The following COBL variants were observed in gnomAD, a reference collection of about 807,000 sequenced individuals.
COBL encodes the protein protein cordon-bleu.
Under a neutral mutation model 98.8 loss-of-function variants are expected in COBL, and 51 were observed. The ratio of observed to expected loss-of-function variants is 0.52; its 90% CI spans 0.41 to 0.65. The LOEUF (loss-of-function observed/expected upper bound fraction) is 0.65. Among genes scored for constraint, COBL ranks in the 30% least tolerant of loss-of-function variants. The pLI is 0.00. For synonymous variants in COBL, 634 were observed against 651.7 expected, an observed-to-expected ratio of 0.97 and a Z score of 0.41; for missense variants, 1,617 against 1,617.5, an observed-to-expected ratio of 1.00 and a Z score of 0.01.
intron 1 of COBL, among the ~76,000 whole-genome samples, chr7:51,282,628 T>C (rs188578391): frequency 2.4e-3 from 372 of 152,092 alleles, no homozygotes; most frequent in Middle Eastern, 6.8e-3. Flanking sequence ...CTCTTACAAA[T>C]CAATACAACT....
chr7:51,259,362 T>C (rs1416966281), intron 1 of COBL: 1 of 305,864 alleles, frequency 3.3e-6, no homozygotes, highest in Admixed American at 4.4e-5. Flanking sequence ...AAAGCACTTT[T>C]AAGTGGCAAG....
chr7:51,302,217 A>G (rs946443252), intron 1 of COBL, among the ~76,000 whole-genome samples: 2 of 152,224 alleles, frequency 1.3e-5, no homozygotes, highest in African/African-American at 4.8e-5. Flanking sequence ...ATCATTTCCT[A>G]GCAGTTAAGT....
intron 5 of COBL, among the ~76,000 whole-genome samples, chr7:51,163,740 C>T (rs1445074836): frequency 6.6e-6 from 1 of 152,166 alleles, no homozygotes; most frequent in Non-Finnish European, 1.5e-5. Context: ...ATCTACCAAT[C>T]CCCTCCTGAT....
intron 1 of COBL, among the ~76,000 whole-genome samples, chr7:51,237,894 G>T (rs1270679618): frequency 6.6e-6 from 1 of 152,194 alleles, no homozygotes; most frequent in Non-Finnish European, 1.5e-5. Flanking sequence ...AAGGCTGGGA[G>T]CTGTCTGCTT....
rs574111861 is a variant in COBL at position 51,292,968 on chromosome 7, T to C, written c.41+23625A>G. Among the ~76,000 whole-genome samples, 39 of 152,342 alleles carry C rather than the reference T, an allele frequency of 2.6e-4. 1 individual carries two copies. Among genetic ancestry groups the C allele is most frequent in the Admixed American group, 2.2e-3 (33 of 15,308 alleles). On this transcript the variant is annotated intron_variant, in intron 1 of 12. Transcript: ENST00000265136. ...ACAATGACAGAATTGAAGGAATAAG[T>C]TACTAAACACATGTGATGCGCCAAA...
chr7:51,061,004 T>A (rs1343268956), intron 7 of COBL, among the ~76,000 whole-genome samples: 1 of 152,160 alleles, frequency 6.6e-6, no homozygotes, highest in Non-Finnish European at 1.5e-5. Flanking sequence ...AAAACTACCC[T>A]GACCCAATCC....
chr7:51,118,550 T>G (rs2128986518), intron 6 of COBL, among the ~76,000 whole-genome samples: 1 of 151,928 alleles, frequency 6.6e-6, no homozygotes. Flanking sequence ...TGCCATATCT[T>G]GTAAGTTAGA....
chr7:51,063,620 C>T (rs777430005), intron 7 of COBL, among the ~76,000 whole-genome samples: 9 of 152,202 alleles, frequency 5.9e-5, no homozygotes, highest in African/African-American at 1.4e-4. Context: ...TGTGGCCCCA[C>T]GAAGACCCTG....
chr7:51,201,033 G>A (rs1791068350), intron 2 of COBL, among the ~76,000 whole-genome samples: 1 of 152,100 alleles, frequency 6.6e-6, no homozygotes, highest in Non-Finnish European at 1.5e-5. Context: ...GATGTCAGGA[G>A]TTCGAGACCA....
chr7:51,144,313 A>G (rs1474219172), intron 5 of COBL, among the ~76,000 whole-genome samples: 2 of 152,178 alleles, frequency 1.3e-5, no homozygotes, highest in East Asian at 3.9e-4. Flanking sequence ...CAGCTAAGGA[A>G]ACTCAGGTAC....
At chr7:51,289,908 A>C (rs1271000634) in intron 1 of COBL, among the ~76,000 whole-genome samples, 1 of 152,202 alleles carries the variant, frequency 6.6e-6, no homozygotes, top group African/African-American at 2.4e-5. Context: ...TTCATGGCTG[A>C]TATCTCTCCC....
intron 1 of COBL, among the ~76,000 whole-genome samples, chr7:51,224,611 A>G (rs1330286682): frequency 6.6e-6 from 1 of 152,156 alleles, no homozygotes; most frequent in Non-Finnish European, 1.5e-5. Flanking sequence ...AGAAGACGCT[A>G]AAACAGCATG....
At chr7:51,118,579 A>G (rs760228495) in intron 6 of COBL, among the ~76,000 whole-genome samples, 1 of 151,114 alleles carries the variant, frequency 6.6e-6, no homozygotes, top group Non-Finnish European at 1.5e-5. Context: ...CCAAATTCCA[A>G]TTCACTCAAG....
chr7:51,220,440 G>A (rs566508728), intron 1 of COBL, among the ~76,000 whole-genome samples: 2 of 152,260 alleles, frequency 1.3e-5, no homozygotes, highest in East Asian at 3.9e-4. Flanking sequence ...TAGCCAGAAA[G>A]TCGATCACAC....
intron 1 of COBL, chr7:51,260,133 A>C: frequency 7.0e-7 from 1 of 1,431,684 alleles, no homozygotes; most frequent in African/African-American, 1.4e-5. Context: ...ATTTTCTGGA[A>C]CCAAAGGGAT....
intron 2 of COBL, among the ~76,000 whole-genome samples, chr7:51,214,318 A>AATAAAGAC (rs1216963093): frequency 6.6e-6 from 1 of 150,992 alleles, no homozygotes; most frequent in African/African-American, 2.4e-5. Flanking sequence ...TAAATAAATA[A>AATAAAGAC]AGACAATGCT....
intron 2 of COBL, among the ~76,000 whole-genome samples, chr7:51,208,198 C>T (rs897490673): frequency 2.0e-5 from 3 of 149,824 alleles, no homozygotes; most frequent in African/African-American, 7.3e-5. Flanking sequence ...GCCTGGCAAC[C>T]GCCCCGTCTG....
At chr7:51,110,842 C>T (rs1038332584) in intron 6 of COBL, among the ~76,000 whole-genome samples, 5 of 152,234 alleles carry the variant, frequency 3.3e-5, no homozygotes, top group Non-Finnish European at 5.9e-5. Context: ...CCAATCTCAT[C>T]CAGGTCACTG....
chr7:51,031,342 C>CA (rs1443634248), intron 8 of COBL: 1 of 159,024 alleles, frequency 6.3e-6, no homozygotes, highest in African/African-American at 2.4e-5. Context: ...CAGTCCCCTG[C>CA]ACCTGGCACC....
Sources: gnomAD v4.1 joint callset for allele counts (sites outside exome capture counted in the v4.1 genomes callset) on GRCh38, gnomAD v4.1.1 for gene constraint, MANE v1.5 for transcripts, NCBI Gene and HGNC (gene_info 2026-07-23, HGNC 2026-07-21) for gene names.